The following P2RY8 variants were observed in gnomAD, a reference collection of about 807,000 sequenced individuals.
P2RY8 encodes P2Y receptor family member 8.
A neutral mutation model predicts 10.0 loss-of-function variants in P2RY8; 6 were observed. The ratio of observed to expected loss-of-function variants is 0.60; its 90% CI spans 0.33 to 1.19. The LOEUF is 1.19. P2RY8 is among the 50% of genes most tolerant of loss of function. The probability of loss-of-function intolerance (pLI) is 0.04; values close to 1 mark genes in which losing one functional copy is unlikely to be tolerated. For missense variants in P2RY8, 456 were observed against 542.0 expected (o/e 0.84, Z 1.58); for synonymous variants, 276 against 252.5 (o/e 1.09, Z -0.88).
At chrX:1,528,951 A>G (rs1215685821) in intron 1 of P2RY8, among the ~76,000 whole-genome samples, 4 of 152,282 alleles carry the variant, frequency 2.6e-5, no homozygotes, top group African/African-American at 9.6e-5. Flanking sequence ...GAGTCTCCTC[A>G]TTCCTGCACT....
intron 1 of P2RY8, among the ~76,000 whole-genome samples, chrX:1,497,841 G>T (rs1481579107): frequency 1.3e-5 from 2 of 152,022 alleles, no homozygotes; most frequent in Admixed American, 1.3e-4. Flanking sequence ...CGGCTTGGAG[G>T]CCTGTGGGTG....
intron 1 of P2RY8, among the ~76,000 whole-genome samples, chrX:1,519,722 A>G (rs1297391853): frequency 3.9e-5 from 6 of 151,902 alleles, no homozygotes; most frequent in Non-Finnish European, 7.4e-5. Context: ...CTGGTTACCA[A>G]TCATCTCCCT....
chrX:1,495,235 A>G (rs2092104518), intron 1 of P2RY8, among the ~76,000 whole-genome samples: 1 of 152,124 alleles, frequency 6.6e-6, no homozygotes, highest in African/African-American at 2.4e-5. Context: ...AGCTCAGTAT[A>G]TATTTTCTGA....
chrX:1,516,897 C>T (rs752877165), intron 1 of P2RY8, among the ~76,000 whole-genome samples: 2 of 151,680 alleles, frequency 1.3e-5, no homozygotes, highest in African/African-American at 4.8e-5. Flanking sequence ...CTTCCAGCCT[C>T]CAGGGCTGTG....
At chrX:1,490,379 T>C (rs58049090) in intron 1 of P2RY8, among the ~76,000 whole-genome samples, 5 of 148,156 alleles carry the variant, frequency 3.4e-5, no homozygotes, top group South Asian at 2.1e-4. Flanking sequence ...AGATATTCCC[T>C]GCAAATGTGG....
chrX:1,506,460 TC>T (rs1433398859), intron 1 of P2RY8, among the ~76,000 whole-genome samples: 10 of 152,066 alleles, frequency 6.6e-5, no homozygotes, highest in African/African-American at 2.4e-4. Context: ...GAAGACTGCC[TC>T]TTTGTCCTTT....
chrX:1,512,629 T>C (rs1264419009), intron 1 of P2RY8, among the ~76,000 whole-genome samples: 1 of 151,102 alleles, frequency 6.6e-6, no homozygotes, highest in South Asian at 2.1e-4. Context: ...CAGTTCCACA[T>C]GGCTAGGGAG....
intron 1 of P2RY8, among the ~76,000 whole-genome samples, chrX:1,495,838 C>T (rs1261879793): frequency 2.4e-5 from 3 of 122,768 alleles, no homozygotes; most frequent in Non-Finnish European, 5.6e-5. Flanking sequence ...ATAAGCCCCC[C>T]AGTCTACGGT....
chrX:1,521,467 C>T (rs1339464889), intron 1 of P2RY8, among the ~76,000 whole-genome samples: 3 of 152,184 alleles, frequency 2.0e-5, no homozygotes, highest in African/African-American at 7.2e-5. Context: ...CCACTTTAAT[C>T]CGTCCCAGTA....
Position 1,466,197 on chromosome X carries a change from C to G in P2RY8, c.362G>C (p.Arg121Pro). 1 of 1,612,904 alleles carries G rather than the reference C, an allele frequency of 6.2e-7. No homozygotes were observed. Among genetic ancestry groups the G allele is most frequent in the Non-Finnish European group, 8.5e-7 (1 of 1,179,496 alleles). Residue 121 changes from arginine to proline, a missense_variant, in exon 2 of 2, where the codon CGC (arginine) becomes CCC (proline). Physicochemically the swap from Arg to Pro is moderately radical, Grantham distance 103 (BLOSUM62 -2). Coordinates refer to ENST00000381297, the MANE Select transcript of P2RY8 (RefSeq NM_178129.5). The stretch of plus-strand genomic sequence containing the variant: ...GAGCGGGTACAGGACCCCCAGGAAG[C>G]GCTCCACGCTGATACAGGTCATGGT... The part of the protein sequence containing the change: ...ILTMTCISVE[R>P]FLGVLYPLSS...
chrX:1,494,859 C>T (rs1356429942), intron 1 of P2RY8, among the ~76,000 whole-genome samples: 2 of 140,376 alleles, frequency 1.4e-5, no homozygotes, highest in Admixed American at 8.0e-5. Flanking sequence ...TACATCACCA[C>T]ACCTGGCTAA....
intron 1 of P2RY8, among the ~76,000 whole-genome samples, chrX:1,478,343 T>C (rs1210844605): frequency 6.6e-6 from 1 of 151,464 alleles, no homozygotes; most frequent in East Asian, 1.9e-4. Flanking sequence ...CTAGAGAGAT[T>C]GCAGAAGGCA....
intron 1 of P2RY8, among the ~76,000 whole-genome samples, chrX:1,513,237 T>C (rs1251930901): frequency 5.2e-5 from 5 of 95,770 alleles, no homozygotes; most frequent in African/African-American, 1.9e-4. Flanking sequence ...CCATGGTGTC[T>C]ATGTGCCACT....
At chrX:1,471,346 G>A (rs762298693) in intron 1 of P2RY8, among the ~76,000 whole-genome samples, 2 of 85,226 alleles carry the variant, frequency 2.3e-5, no homozygotes, top group African/African-American at 9.4e-5. Flanking sequence ...TTTTAGTAAC[G>A]ACGGGGTTTC....
intron 1 of P2RY8, among the ~76,000 whole-genome samples, chrX:1,534,884 G>T (rs1403376457): frequency 6.6e-6 from 1 of 152,244 alleles, no homozygotes; most frequent in South Asian, 2.1e-4. Context: ...GCGTCTCTGT[G>T]GTTCTCCAAG....
intron 1 of P2RY8, among the ~76,000 whole-genome samples, chrX:1,520,430 C>G (rs1212025941): frequency 6.6e-6 from 1 of 151,358 alleles, no homozygotes; most frequent in Non-Finnish European, 1.5e-5. Context: ...CTAATAATCT[C>G]TCTGGTCCCC....
chrX:1,507,564 C>T (rs1459712058), intron 1 of P2RY8, among the ~76,000 whole-genome samples: 1 of 152,178 alleles, frequency 6.6e-6, no homozygotes, highest in Non-Finnish European at 1.5e-5. Flanking sequence ...GTACTGGCGA[C>T]ATACCTGTTG....
chrX:1,511,551 G>A (rs1355548857), intron 1 of P2RY8, among the ~76,000 whole-genome samples: 3 of 152,058 alleles, frequency 2.0e-5, no homozygotes, highest in Admixed American at 1.3e-4. Flanking sequence ...ACGAGATCTC[G>A]GTCTGTCACC....
Position 1,464,930 on chromosome X carries a change from G to A in P2RY8, c.*549C>T, listed in dbSNP as rs1187577679. 3.4e-5 allele frequency: 8 copies of A among 234,582 alleles called. No homozygotes were observed. Among genetic ancestry groups the A allele is most frequent in the Non-Finnish European group, 5.0e-5 (6 of 119,168 alleles). The allele number at this position is 234,582 out of a possible 1,614,324, so 14.5% of individuals were successfully genotyped here. A position where few individuals can be genotyped will look rare whatever the true frequency, so the allele number is the denominator to read the frequency against. On this transcript the variant is annotated 3_prime_UTR_variant, in exon 2 of 2. Coordinates refer to ENST00000381297, the MANE Select transcript of P2RY8 (RefSeq NM_178129.5). ...GAAATTTCGGCGTGCACCGGGCTAC[G>A]GAGACCAGAACCCCTGGAGGAGAAT... is the stretch of plus-strand genomic sequence containing the variant.
Sources: allele counts gnomAD v4.1 joint callset (sites outside exome capture counted in the v4.1 genomes callset), GRCh38; gene constraint gnomAD v4.1.1; transcripts MANE v1.5; gene names NCBI Gene and HGNC (gene_info 2026-07-23, HGNC 2026-07-21).